Variants in PXMP4 observed in about 807,000 individuals in gnomAD.
The protein encoded by PXMP4 is peroxisomal membrane protein 4, also known as 24 kDa peroxisomal intrinsic membrane protein.
PXMP4 carries 16 observed loss-of-function variants against 21.6 expected under a neutral mutation model. That is an observed-to-expected ratio of 0.74 (90% confidence interval 0.50 to 1.13). The LOEUF is 1.13. PXMP4 is among the 50% of genes most tolerant of loss of function. The probability of loss-of-function intolerance (pLI) is 0.00; values close to 1 mark genes in which losing one functional copy is unlikely to be tolerated. For missense variants in PXMP4, 240 were observed against 277.7 expected (o/e 0.86, Z 0.96); for synonymous variants, 127 against 123.8 (o/e 1.03, Z -0.17).
At chr20:33,714,312 A>C (rs1312904180) in intron 2 of PXMP4, among the ~76,000 whole-genome samples, 1 of 152,190 alleles carries the variant, frequency 6.6e-6, no homozygotes, top group East Asian at 1.9e-4. Context: ...TGAAGTCAGG[A>C]GTTCAAGACC....
At chr20:33,714,812 T>C (rs1000834919) in intron 1 of PXMP4, 76 bp from the exon 2 acceptor site, 2 of 1,420,200 alleles carry the variant, frequency 1.4e-6, no homozygotes, top group East Asian at 2.3e-5. Context: ...TTTTGACCCC[T>C]TGTTCTCTCC....
At chr20:33,717,136 C>A (rs1248834443) in intron 1 of PXMP4, among the ~76,000 whole-genome samples, 2 of 151,980 alleles carry the variant, frequency 1.3e-5, no homozygotes, top group Non-Finnish European at 2.9e-5. Context: ...TAAGATCGTG[C>A]CACTGTACTC....
chr20:33,717,556 C>G (rs2018395510), intron 1 of PXMP4, among the ~76,000 whole-genome samples: 1 of 142,962 alleles, frequency 7.0e-6, no homozygotes, highest in Non-Finnish European at 1.5e-5. Context: ...AGGAGAATGG[C>G]GTGAACCCGG....
At chr20:33,715,836 A>G (rs1243652503) in intron 1 of PXMP4, among the ~76,000 whole-genome samples, 2 of 143,072 alleles carry the variant, frequency 1.4e-5, no homozygotes, top group African/African-American at 2.6e-5. Context: ...CACTGCAGCC[A>G]GTCTCTTTTT....
rs1010638476 is a variant in PXMP4 at position 33,703,495 on chromosome 20, G to C, written c.*4211C>G. The C allele has an allele frequency of 3.9e-5, 6 of 152,252 alleles. No individual in the cohort carries two copies. The highest frequency in any genetic ancestry group is 1.4e-4 in the African/African-American group (6 of 41,458). The allele number at this position is 152,252 out of a possible 1,614,324, so 9.4% of individuals were successfully genotyped here. On this transcript the variant is annotated 3_prime_UTR_variant, in exon 4 of 4. Coordinates refer to ENST00000409299, the MANE Select transcript of PXMP4 (RefSeq NM_007238.5). ...ATGTCCCTGACCACCATGCTATATT[G>C]CCTCTCAACCTGCTGTACAGAGGCC...
Position 33,720,295 on chromosome 20 carries a change from A to G in PXMP4, c.-88T>C. The G allele has an allele frequency of 8.6e-7, 1 of 1,165,672 alleles. No homozygotes were observed. The highest frequency in any genetic ancestry group is 2.2e-5 in the Admixed American group (1 of 45,890). The allele number at this position is 1,165,672 out of a possible 1,614,324, so 72.2% of individuals were successfully genotyped here. On this transcript the variant is annotated 5_prime_UTR_variant, in exon 1 of 4. Transcript: ENST00000409299. ...AGCTGCGCGCCCACAGCCCCTCGGTAGCGCCGCCGACTCGTGGCGTCTATA... is the reference window on the plus strand; with the variant it reads ...AGCTGCGCGCCCACAGCCCCTCGGTGGCGCCGCCGACTCGTGGCGTCTATA...
intron 2 of PXMP4, 82 bp from the exon 3 acceptor site, chr20:33,710,835 C>T: frequency 2.2e-6 from 3 of 1,349,818 alleles, no homozygotes; most frequent in Non-Finnish European, 2.0e-6. Flanking sequence ...TGCCTAACAA[C>T]CAGCCAAGGA....
chr20:33,703,124 C>T lies in PXMP4; in HGVS notation c.*4582G>A, dbSNP rs1391305177. The T allele has an allele frequency of 1.3e-5, 2 of 152,226 alleles. No homozygotes were observed. Among genetic ancestry groups the T allele is most frequent in the South Asian group, 2.1e-4 (1 of 4,824 alleles). The allele number at this position is 152,226 out of a possible 1,614,324, so 9.4% of individuals were successfully genotyped here. On this transcript the variant is annotated 3_prime_UTR_variant, in exon 4 of 4. Transcript: ENST00000409299. Reference sequence around the variant, plus strand: ...CCTATTCTTAGAGAGCAGAGACAGTCGGTAGCGGAGTTGGCCAACCCCCAG... The same window carrying T: ...CCTATTCTTAGAGAGCAGAGACAGTTGGTAGCGGAGTTGGCCAACCCCCAG...
chr20:33,720,300 C>T lies in PXMP4; in HGVS notation c.-93G>A. The T allele has an allele frequency of 9.1e-7, 1 of 1,095,200 alleles. No individual in the cohort carries two copies. Among genetic ancestry groups the T allele is most frequent in the East Asian group, 2.6e-5 (1 of 38,192 alleles). 67.8% of individuals were successfully genotyped at this position (1,095,200 alleles called of 1,614,324 possible). A position where few individuals can be genotyped will look rare whatever the true frequency, so the allele number is the denominator to read the frequency against. On this transcript the variant is annotated 5_prime_UTR_variant, in exon 1 of 4. Coordinates refer to ENST00000409299, the MANE Select transcript of PXMP4 (RefSeq NM_007238.5). The stretch of plus-strand genomic sequence containing the variant: ...CGCGCCCACAGCCCCTCGGTAGCGC[C>T]GCCGACTCGTGGCGTCTATAGGCTG...
chr20:33,718,363 T>C (rs903244689), intron 1 of PXMP4, among the ~76,000 whole-genome samples: 1 of 151,404 alleles, frequency 6.6e-6, no homozygotes, highest in East Asian at 1.9e-4. Context: ...ACAAAAAAAT[T>C]AGCCGGGCGT....
At chr20:33,715,847 T>TC in intron 1 of PXMP4, among the ~76,000 whole-genome samples, 1 of 151,040 alleles carries the variant, frequency 6.6e-6, no homozygotes, top group East Asian at 2.0e-4. Context: ...GTCTCTTTTT[T>TC]TTTTTTTTTT....
chr20:33,713,004 G>A (rs2018347036), intron 2 of PXMP4, among the ~76,000 whole-genome samples: 1 of 152,208 alleles, frequency 6.6e-6, no homozygotes, highest in Non-Finnish European at 1.5e-5. Context: ...GACCTCAAGT[G>A]TACCACCTCG....
chr20:33,709,876 C>T (rs1267444950), intron 3 of PXMP4, among the ~76,000 whole-genome samples: 1 of 139,346 alleles, frequency 7.2e-6, no homozygotes, highest in African/African-American at 2.7e-5. Flanking sequence ...GAACCAGGCC[C>T]CTTCCCCCAC....
In PXMP4 at chr20:33,702,954, G is replaced by A. The variant is rs2018219776; in HGVS notation, c.*4752C>T. ...TAGAGAATGGAGGGCAGCTAGGAAG[G>A]AGCCAAATGGGACTCCTCTCAGATC... On this transcript the variant is annotated 3_prime_UTR_variant, in exon 4 of 4. Coordinates refer to ENST00000409299, the MANE Select transcript of PXMP4 (RefSeq NM_007238.5). The A allele has an allele frequency of 6.6e-6, 1 of 152,182 alleles. No homozygotes were observed. The highest frequency in any genetic ancestry group is 2.1e-4 in the South Asian group (1 of 4,822). The allele number at this position is 152,182 out of a possible 1,614,324, so 9.4% of individuals were successfully genotyped here.
chr20:33,713,808 G>A (rs1212468219), intron 2 of PXMP4, among the ~76,000 whole-genome samples: 1 of 152,236 alleles, frequency 6.6e-6, no homozygotes, highest in Non-Finnish European at 1.5e-5. Flanking sequence ...CATGATTCCT[G>A]TATGTTCCAC....
At chr20:33,718,722 G>C (rs34200454) in intron 1 of PXMP4, among the ~76,000 whole-genome samples, 3 of 151,876 alleles carry the variant, frequency 2.0e-5, no homozygotes, top group Non-Finnish European at 4.4e-5. Context: ...CTGTGGCCAC[G>C]AGCAATGGGT....
At position 33,712,456 on chromosome 20, in the gene PXMP4, T is replaced by A. The variant is rs901866577; in HGVS notation, c.177-1703A>T. Among the ~76,000 whole-genome samples, 93 of 152,072 alleles carry A rather than the reference T, an allele frequency of 6.1e-4. 1 individual carries two copies. Among genetic ancestry groups the A allele is most frequent in the African/African-American group, 2.1e-3 (86 of 41,498 alleles). ...TTCTTAACCTGGCAGCAATTTTTTT[T>A]TTTTTTCCTCTGAGATGGAGTCTAG... is the stretch of plus-strand genomic sequence containing the variant. On this transcript the variant is annotated intron_variant, in intron 2 of 3. Coordinates refer to ENST00000409299, the MANE Select transcript of PXMP4 (RefSeq NM_007238.5).
In PXMP4 at chr20:33,707,908, C is replaced by T. The variant is rs2018278658; in HGVS notation, c.437G>A (p.Gly146Asp). ...FALSRLAVEK[G>D]YIPEPRWDPF... ...GTCCCACCTGGGTTCAGGGATGTAG[C>T]CCTTCTCTACAGCCAGGCGGCTCAG... is the stretch of plus-strand genomic sequence containing the variant. Residue 146 changes from glycine (G) to aspartate (D), a missense_variant, in exon 4 of 4, where the codon GGC becomes GAC. Physicochemically the swap from Gly to Asp is moderately conservative, Grantham distance 94. Transcript: ENST00000409299. The T allele has an allele frequency of 6.2e-7, 1 of 1,614,124 alleles. No individual in the cohort carries two copies. Among genetic ancestry groups the T allele is most frequent in the East Asian group, 2.2e-5 (1 of 44,892 alleles).
Position 33,707,242 on chromosome 20 carries a change from T to C in PXMP4, c.*464A>G, listed in dbSNP as rs567750440. ...TACATATATGGCTCACGTGTTTCTA[T>C]TGGACAGTGGGAATCTAGAACTTCT... On this transcript the variant is annotated 3_prime_UTR_variant, in exon 4 of 4. Coordinates refer to ENST00000409299, the MANE Select transcript of PXMP4 (RefSeq NM_007238.5). 2.2e-3 allele frequency: 344 copies of C among 156,780 alleles called. 1 individual carries two copies. The highest frequency in any genetic ancestry group is 7.9e-3 in the African/African-American group (328 of 41,636). 9.7% of individuals were successfully genotyped at this position (156,780 alleles called of 1,614,324 possible). A position where few individuals can be genotyped will look rare whatever the true frequency, so the allele number is the denominator to read the frequency against.
Sources: allele counts gnomAD v4.1 joint callset (sites outside exome capture counted in the v4.1 genomes callset), GRCh38; gene constraint gnomAD v4.1.1; transcripts MANE v1.5; gene names NCBI Gene and HGNC (gene_info 2026-07-23, HGNC 2026-07-21).